The following IQUB variants were observed in gnomAD, a reference collection of about 807,000 sequenced individuals.
IQUB encodes the protein IQ motif and ubiquitin-like domain-containing protein.
IQUB carries 86 observed loss-of-function variants against 86.4 expected under a neutral mutation model. That is an observed-to-expected ratio of 1.00 (90% CI 0.84 to 1.19). IQUB has a LOEUF of 1.19. Among genes scored for constraint, IQUB ranks in the 50% most tolerant of loss-of-function variants. The pLI is 0.00. For synonymous variants in IQUB, 289 were observed against 304.5 expected (o/e 0.95, Z 0.53); for missense variants, 946 against 916.9 (o/e 1.03, Z -0.41).
intron 1 of IQUB, among the ~76,000 whole-genome samples, chr7:123,522,747 CA>C (rs1796965652): frequency 6.6e-6 from 1 of 152,184 alleles, no homozygotes; most frequent in Non-Finnish European, 1.5e-5. Context: ...TACATGTGCA[CA>C]ATGTGCAGGT....
At chr7:123,493,175 G>A (rs1218267706) in intron 7 of IQUB, among the ~76,000 whole-genome samples, 11 of 152,108 alleles carry the variant, frequency 7.2e-5, no homozygotes, top group Admixed American at 3.9e-4. Context: ...AACAATCCTC[G>A]TTGTCCCCCA....
intron 3 of IQUB, among the ~76,000 whole-genome samples, chr7:123,506,120 C>T (rs921050142): frequency 6.6e-6 from 1 of 152,190 alleles, no homozygotes; most frequent in Admixed American, 6.5e-5. Flanking sequence ...GCACGTGTGA[C>T]CTTTACTCCA....
At chr7:123,493,779 G>A (rs1333409447) in intron 7 of IQUB, among the ~76,000 whole-genome samples, 2 of 146,668 alleles carry the variant, frequency 1.4e-5, no homozygotes, top group Non-Finnish European at 1.5e-5. Context: ...GTGTGTGCAT[G>A]TGTGTATATA....
intron 6 of IQUB, among the ~76,000 whole-genome samples, chr7:123,499,232 C>A (rs1160056095): frequency 6.6e-6 from 1 of 152,046 alleles, no homozygotes; most frequent in Admixed American, 6.6e-5. Context: ...TGCTTCCCCT[C>A]CTGAGCAGTT....
intron 7 of IQUB, among the ~76,000 whole-genome samples, chr7:123,488,210 C>T (rs1466680259): frequency 1.3e-5 from 2 of 151,486 alleles, no homozygotes; most frequent in East Asian, 1.9e-4. Context: ...GCGCGGTGGC[C>T]GGCGCCTGTA....
intron 7 of IQUB, among the ~76,000 whole-genome samples, chr7:123,484,678 C>A (rs939629192): frequency 2.6e-5 from 4 of 151,964 alleles, no homozygotes; most frequent in Admixed American, 6.6e-5. Flanking sequence ...ATATTTAAGT[C>A]TTGGATGAAT....
intron 12 of IQUB, chr7:123,457,114 A>C: frequency 2.1e-6 from 2 of 943,668 alleles, no homozygotes; most frequent in Non-Finnish European, 2.5e-6. Context: ...CCTTCATGGA[A>C]TTTACCGTGG....
At chr7:123,502,539 G>GCTTATAT in intron 6 of IQUB, 58 bp downstream of exon 6, 1 of 1,478,126 alleles carries the variant, frequency 6.8e-7, no homozygotes, top group Non-Finnish European at 9.3e-7. Context: ...GACACACTCG[G>GCTTATAT]AACAACTGGC....
At chr7:123,460,846 G>A (rs1435135944) in intron 11 of IQUB, among the ~76,000 whole-genome samples, 1 of 151,836 alleles carries the variant, frequency 6.6e-6, no homozygotes, top group Non-Finnish European at 1.5e-5. Context: ...CTTACGAGAA[G>A]CAGATTACGT....
At chr7:123,492,840 G>T (rs1366818201) in intron 7 of IQUB, among the ~76,000 whole-genome samples, 2 of 152,222 alleles carry the variant, frequency 1.3e-5, no homozygotes, top group South Asian at 2.1e-4. Context: ...CTGCACTCTA[G>T]GTAGCCACTT....
At chr7:123,493,557 G>A (rs147367416) in intron 7 of IQUB, among the ~76,000 whole-genome samples, 38 of 152,148 alleles carry the variant, frequency 2.5e-4, no homozygotes, top group Non-Finnish European at 3.5e-4. Flanking sequence ...AGACAGAAGC[G>A]TCCAATGTTG....
chr7:123,466,630 C>G (rs889273320), intron 9 of IQUB, among the ~76,000 whole-genome samples: 4 of 152,076 alleles, frequency 2.6e-5, no homozygotes, highest in Non-Finnish European at 5.9e-5. Context: ...TTTTGTGTGC[C>G]TTGGAGGACA....
chr7:123,480,113 A>G (rs1794938677), intron 7 of IQUB, 143 bp from the exon 8 acceptor site: 2 of 633,670 alleles, frequency 3.2e-6, no homozygotes, highest in Non-Finnish European at 5.2e-6. Context: ...CACCTGATGC[A>G]TGAAAAAAGT....
At chr7:123,511,599 C>T (rs2117258783) in intron 2 of IQUB, among the ~76,000 whole-genome samples, 1 of 152,182 alleles carries the variant, frequency 6.6e-6, no homozygotes, top group South Asian at 2.1e-4. Context: ...CAATTAATTC[C>T]AAATTGGCAT....
In IQUB at chr7:123,503,031, T is replaced by G. The variant is rs1186248573; in HGVS notation, c.780A>C (p.Val260=). The part of the protein sequence containing the change: ...KPFLGGFRHK[V]TGVEYHNAGT... ...CAGCATTGTGATACTCTACTCCTGT[T>G]ACTTTATGTCTGAATCCACCAAGAA... The change falls in exon 5 of 13, where the codon GTA becomes GTC. Residue 260 remains valine, a synonymous_variant. Transcript: ENST00000324698. 1 of 1,613,186 alleles carries G rather than the reference T, an allele frequency of 6.2e-7. No homozygotes were observed. The highest frequency in any genetic ancestry group is 1.1e-5 in the South Asian group (1 of 91,058).
Position 123,496,833 on chromosome 7 carries a change from C to G in IQUB, c.1097G>C (p.Ser366Thr), listed in dbSNP as rs538874442. ...CTGTGTTTCCCATTCCAGTCTTAAG[C>G]TTTTCTGTCTTCTTAAATTCTCTAC... ...IFVENLRRQK[S>T]LRLEWETQQE... Residue 366 changes from serine to threonine, a missense_variant, in exon 7 of 13, where the codon AGC becomes ACC. Physicochemically the swap from Ser to Thr is moderately conservative, Grantham distance 58. Transcript: ENST00000324698. The G allele has an allele frequency of 1.4e-5, 23 of 1,612,710 alleles. No individual in the cohort carries two copies. The highest frequency in any genetic ancestry group is 1.9e-5 in the Non-Finnish European group (22 of 1,179,390).
chr7:123,487,135 C>A (rs1795243990), intron 7 of IQUB, among the ~76,000 whole-genome samples: 2 of 151,540 alleles, frequency 1.3e-5, no homozygotes. Context: ...TCCTTCTTCA[C>A]TCTCTCTCTC....
At chr7:123,506,174 T>C (rs1796168382) in intron 3 of IQUB, among the ~76,000 whole-genome samples, 1 of 152,208 alleles carries the variant, frequency 6.6e-6, no homozygotes, top group Admixed American at 6.5e-5. Context: ...TACTTCAGCC[T>C]TGACTCTACT....
rs188848107 is a variant in IQUB at position 123,455,687 on chromosome 7, G to A, written c.2193+1694C>T. 2.6e-5 allele frequency among the ~76,000 whole-genome samples: 4 copies of A among 152,220 alleles called. No homozygotes were observed. The East Asian group carries it at 5.8e-4, about 22-fold the overall frequency. ...TCATGAATGGTAAAGCTAGAATTCAGAGCCAGAGCTGCTTTTATCCTCTTT... is the reference window on the plus strand; with the variant it reads ...TCATGAATGGTAAAGCTAGAATTCAAAGCCAGAGCTGCTTTTATCCTCTTT... On this transcript the variant is annotated intron_variant, in intron 12 of 12. Coordinates refer to ENST00000324698, the MANE Select transcript of IQUB (RefSeq NM_178827.5).
Sources: gnomAD v4.1 joint callset for allele counts (sites outside exome capture counted in the v4.1 genomes callset) on GRCh38, gnomAD v4.1.1 for gene constraint, MANE v1.5 for transcripts, NCBI Gene and HGNC (gene_info 2026-07-23, HGNC 2026-07-21) for gene names.